Variants in SSUH2 observed in about 807,000 individuals in gnomAD.
SSUH2 encodes ssu-2 homolog, also known as protein SSUH2 homolog.
Under a neutral mutation model 55.3 loss-of-function variants are expected in SSUH2, and 47 were observed. That is an observed-to-expected ratio of 0.85 (90% confidence interval 0.67 to 1.08). The LOEUF is 1.08. Ranked by LOEUF, SSUH2 falls within the 50% of genes least tolerant of loss-of-function variation. The probability of loss-of-function intolerance (pLI) is 0.00; values close to 1 mark genes in which losing one functional copy is unlikely to be tolerated. For missense variants in SSUH2, 535 were observed against 490.7 expected, an observed-to-expected ratio of 1.09 and a Z score of -0.85; for synonymous variants, 212 against 191.5, an observed-to-expected ratio of 1.11 and a Z score of -0.89.
chr3:8,640,849 G>A (rs916419126), intron 1 of SSUH2, among the ~76,000 whole-genome samples: 1 of 152,188 alleles, frequency 6.6e-6, no homozygotes, highest in Non-Finnish European at 1.5e-5. Flanking sequence ...AAGCAAGAAT[G>A]CAGCAAATAT....
intron 5 of SSUH2, among the ~76,000 whole-genome samples, chr3:8,665,886 A>G (rs1382617132): frequency 6.6e-6 from 1 of 152,122 alleles, no homozygotes; most frequent in East Asian, 1.9e-4. Flanking sequence ...ATCATTTTCA[A>G]CATCAAAGTT....
chr3:8,632,046 T>G lies in SSUH2; in HGVS notation c.400+3A>C. 6.2e-7 allele frequency: 1 copy of G among 1,612,516 alleles called. No homozygotes were observed. The highest frequency in any genetic ancestry group is 8.5e-7 in the Non-Finnish European group (1 of 1,178,630). The stretch of plus-strand genomic sequence containing the variant: ...TTAAACTAATTTCAGACAATTCACT[T>G]ACTAGTAAAGGGTTGAAATGTCCAC... On this transcript the variant is annotated splice_donor_region_variant and intron_variant, in intron 5 of 11. Transcript: ENST00000544814.
intron 3 of SSUH2, chr3:8,634,490 C>A: frequency 7.8e-7 from 1 of 1,289,828 alleles, no homozygotes; most frequent in Non-Finnish European, 1.0e-6. Flanking sequence ...GCCCTGAGAG[C>A]CATTAATCCA....
At chr3:8,681,473 C>T (rs1338241491) in intron 1 of SSUH2, among the ~76,000 whole-genome samples, 50 of 145,626 alleles carry the variant, frequency 3.4e-4, no homozygotes, top group Admixed American at 3.3e-3. Flanking sequence ...GGACCCCCGT[C>T]GTAGGGGGGA....
upstream of SSUH2, among the ~76,000 whole-genome samples, chr3:8,647,950 G>A (rs1701917909): frequency 1.3e-5 from 2 of 152,230 alleles, no homozygotes; most frequent in Admixed American, 6.5e-5. Context: ...ACTTGTCCAA[G>A]TAGGAGGTTC....
intron 3 of SSUH2, chr3:8,677,075 C>CCT (rs1705441344): frequency 6.7e-6 from 1 of 150,224 alleles, no homozygotes; most frequent in Non-Finnish European, 1.5e-5. Flanking sequence ...GCCCCTCTTC[C>CCT]CCCTGTGGCT....
intron 1 of SSUH2, among the ~76,000 whole-genome samples, chr3:8,680,083 A>G (rs1184131388): frequency 6.6e-6 from 1 of 152,170 alleles, no homozygotes; most frequent in Non-Finnish European, 1.5e-5. Context: ...TTTCCGTTGT[A>G]TGCATCAGAG....
intron 7 of SSUH2, among the ~76,000 whole-genome samples, chr3:8,658,202 T>G (rs1362464520): frequency 1.3e-5 from 2 of 152,224 alleles, no homozygotes; most frequent in Non-Finnish European, 2.9e-5. Flanking sequence ...GTGTAAGCAG[T>G]TAGCGGAGTG....
At chr3:8,663,614 T>A in intron 6 of SSUH2, 1 of 307,960 alleles carries the variant, frequency 3.2e-6, no homozygotes, top group Admixed American at 4.2e-5. Context: ...CCCAGGCAAG[T>A]CCAGGAATTC....
chr3:8,623,432 C>A (rs937350634), intron 11 of SSUH2, 117 bp downstream of exon 11: 1 of 706,706 alleles, frequency 1.4e-6, no homozygotes. Flanking sequence ...ACACTCCTCC[C>A]CCGGGACCTC....
At chr3:8,653,919 C>T (rs1702683573) in intron 7 of SSUH2, among the ~76,000 whole-genome samples, 2 of 152,196 alleles carry the variant, frequency 1.3e-5, no homozygotes, top group African/African-American at 4.8e-5. Flanking sequence ...CAGTGGGAAC[C>T]GTTCCCCTGC....
intron 5 of SSUH2, among the ~76,000 whole-genome samples, chr3:8,667,014 G>A (rs917377777): frequency 8.5e-5 from 13 of 152,214 alleles, no homozygotes; most frequent in Admixed American, 5.2e-4. Flanking sequence ...TGGAGTTCAG[G>A]CTGGGAGTCC....
chr3:8,632,189 C>A, intron 4 of SSUH2, 80 bp from the exon 5 acceptor site: 1 of 1,227,952 alleles, frequency 8.1e-7, no homozygotes, highest in South Asian at 1.2e-5. Context: ...AAGCTGTTAC[C>A]CTCCCAGGGC....
chr3:8,629,860 C>T (rs1698412790), intron 6 of SSUH2, 134 bp from the exon 7 acceptor site: 2 of 795,808 alleles, frequency 2.5e-6, no homozygotes, highest in South Asian at 1.6e-5. Context: ...AGAAATGGCC[C>T]TTCCCATTTG....
intron 7 of SSUH2, among the ~76,000 whole-genome samples, chr3:8,657,619 GAA>G (rs1333802591): frequency 6.6e-6 from 1 of 152,174 alleles, no homozygotes; most frequent in South Asian, 2.1e-4. Flanking sequence ...ACTGAAGGAT[GAA>G]AAGAGTCAAG....
intron 10 of SSUH2, 94 bp from the exon 11 acceptor site, chr3:8,623,750 A>G: frequency 1.6e-6 from 1 of 634,878 alleles, no homozygotes; most frequent in Non-Finnish European, 2.8e-6. Flanking sequence ...CCAGAGCCAG[A>G]CAGAGAAGGG....
intron 7 of SSUH2, among the ~76,000 whole-genome samples, chr3:8,658,206 C>T (rs901334307): frequency 2.6e-5 from 4 of 152,236 alleles, no homozygotes; most frequent in Admixed American, 1.3e-4. Context: ...AAGCAGTTAG[C>T]GGAGTGCCTG....
chr3:8,628,531 T>C (rs1363761229), intron 7 of SSUH2, among the ~76,000 whole-genome samples: 1 of 152,182 alleles, frequency 6.6e-6, no homozygotes, highest in Non-Finnish European at 1.5e-5. Flanking sequence ...CATTTAGAGA[T>C]AGTCTTTGCA....
chr3:8,659,850 T>C (rs241654), intron 6 of SSUH2: 1 of 453,886 alleles, frequency 2.2e-6, no homozygotes, highest in African/African-American at 2.0e-5. Flanking sequence ...TAGAACACAG[T>C]CAATAAATGC....
Sources: gnomAD v4.1 joint callset for allele counts (sites outside exome capture counted in the v4.1 genomes callset) on GRCh38, gnomAD v4.1.1 for gene constraint, MANE v1.5 for transcripts, NCBI Gene and HGNC (gene_info 2026-07-23, HGNC 2026-07-21) for gene names.